Variants in TNKS2 observed in about 807,000 individuals in gnomAD.
The protein encoded by TNKS2 is poly [ADP-ribose] polymerase tankyrase-2.
A neutral mutation model predicts 137.6 loss-of-function variants in TNKS2; 72 were observed. The observed-to-expected ratio is 0.52, with a 90% CI of 0.43 to 0.64. The LOEUF is 0.64. TNKS2 is among the 30% of genes least tolerant of loss of function. The probability of loss-of-function intolerance (pLI) is 0.00; values close to 1 mark genes in which losing one functional copy is unlikely to be tolerated. For synonymous variants in TNKS2, 516 were observed against 512.1 expected (o/e 1.01, Z -0.10); for missense variants, 1,049 against 1,410.2 (o/e 0.74, Z 4.10).
chr10:91,824,290 A>G (rs984549397), intron 7 of TNKS2, among the ~76,000 whole-genome samples: 1 of 152,220 alleles, frequency 6.6e-6, no homozygotes, highest in Admixed American at 6.5e-5. Flanking sequence ...AGAAGCTGGC[A>G]TTTAACAGCA....
chr10:91,840,123 T>G (rs1194882192), intron 13 of TNKS2, among the ~76,000 whole-genome samples: 1 of 152,174 alleles, frequency 6.6e-6, no homozygotes, highest in African/African-American at 2.4e-5. Context: ...GAGGATCCCT[T>G]GAGGCCAGGA....
chr10:91,845,075 G>A lies in TNKS2; in HGVS notation c.2169+47G>A, dbSNP rs760929414. On this transcript the variant is annotated intron_variant, in intron 17 of 26. Transcript: ENST00000371627. The stretch of plus-strand genomic sequence containing the variant: ...TTAAAAATTTGTGGAATTTTAAAGT[G>A]AAAGTCAGTATTGCAGCTCAAATGG... 8 of 1,260,612 alleles carry A rather than the reference G, an allele frequency of 6.3e-6. No homozygotes were observed. In the African/African-American group the frequency reaches 1.0e-4, roughly 16 times the overall value. The allele number at this position is 1,260,612 out of a possible 1,614,324, so 78.1% of individuals were successfully genotyped here.
Position 91,848,496 on chromosome 10 carries a change from T to C in TNKS2, c.2472T>C (p.Ala824=). 1 of 1,614,118 alleles carries C rather than the reference T, an allele frequency of 6.2e-7. No individual in the cohort carries two copies. Among genetic ancestry groups the C allele is most frequent in the Non-Finnish European group, 8.5e-7 (1 of 1,180,018 alleles). The part of the protein sequence containing the change: ...GVRSPGATAD[A]LSSGPSSPSS... ...GAAGCCCAGGAGCCACTGCAGATGC[T>C]CTCTCTTCAGGTCCATCTAGCCCAT... Residue 824 remains alanine, a synonymous_variant, in exon 19 of 27, where the codon GCT becomes GCC. Transcript: ENST00000371627.
chr10:91,814,127 G>T lies in TNKS2; in HGVS notation c.424+920G>T, dbSNP rs185971366. ...TTATTATAGGAGATGACAGCTCCCT[G>T]TATGTTATTGCCCCTAAAGACCTTC... On this transcript the variant is annotated intron_variant, in intron 2 of 26. Coordinates refer to ENST00000371627, the MANE Select transcript of TNKS2 (RefSeq NM_025235.4). 9.7e-4 allele frequency among the ~76,000 whole-genome samples: 148 copies of T among 152,248 alleles called. 1 individual carries two copies. The highest frequency in any genetic ancestry group is 3.4e-3 in the African/African-American group (143 of 41,538).
At chr10:91,844,441 G>T (rs1359652369) in intron 16 of TNKS2, among the ~76,000 whole-genome samples, 1 of 152,072 alleles carries the variant, frequency 6.6e-6, no homozygotes, top group Non-Finnish European at 1.5e-5. Flanking sequence ...TAGCAAAAAA[G>T]CATGCTCTTG....
chr10:91,862,032 G>GACTTT lies in TNKS2; in HGVS notation c.3315_3316insACTTT (p.Ser1106ThrfsTer10). The GACTTT allele has an allele frequency of 6.2e-7, 1 of 1,611,300 alleles. No individual in the cohort carries two copies. Among genetic ancestry groups the GACTTT allele is most frequent in the African/African-American group, 1.3e-5 (1 of 74,926 alleles). On this transcript the variant is annotated frameshift_variant, in exon 26 of 27. Coordinates refer to ENST00000371627, the MANE Select transcript of TNKS2 (RefSeq NM_025235.4). LOFTEE classifies it high-confidence loss of function. ...TCTTTTGCCGGGTAACCTTGGGAAA[G>GACTTT]TCTTTCCTGCAGTTCAGTGCAATGA...
intron 16 of TNKS2, among the ~76,000 whole-genome samples, chr10:91,843,862 T>C (rs561803738): frequency 6.0e-4 from 92 of 152,380 alleles, no homozygotes; most frequent in Non-Finnish European, 1.1e-3. Context: ...CTTGGTGTTA[T>C]ACATGATTTT....
At chr10:91,799,004 C>T (rs1844066751) in intron 1 of TNKS2, 115 bp downstream of exon 1, 1 of 1,245,672 alleles carries the variant, frequency 8.0e-7, no homozygotes, top group Non-Finnish European at 1.0e-6. Context: ...GACTCTGGTC[C>T]TGGTGATCTC....
chr10:91,821,219 G>A (rs1844880309), intron 6 of TNKS2, among the ~76,000 whole-genome samples: 1 of 151,444 alleles, frequency 6.6e-6, no homozygotes, highest in South Asian at 2.1e-4. Context: ...CATATTTTTA[G>A]TAGAGACAAG....
chr10:91,818,343 CCT>C (rs1491379346), intron 3 of TNKS2, among the ~76,000 whole-genome samples: 2 of 151,866 alleles, frequency 1.3e-5, no homozygotes, highest in African/African-American at 4.8e-5. Flanking sequence ...CATAGTTAAT[CCT>C]TTTTTATATT....
rs760355123 is a variant in TNKS2, at chr10:91,859,614, G to A, written c.3247G>A (p.Val1083Ile). Reference protein sequence around the residue: ...YGIGGGTGCPVHKDRSCYICH... With the variant: ...YGIGGGTGCPIHKDRSCYICH... ...AATTGGAGGAGGTACTGGGTGTCCA[G>A]TTCACAAAGACAGATCTTGTTACAT... Residue 1083 changes from valine to isoleucine, a missense_variant, in exon 25 of 27, where the codon GTT becomes ATT. Around this residue, in one of 6 missense-constraint regions of TNKS2, gnomAD observed 133 missense variants for 248.4 expected, o/e 0.54. Coordinates refer to ENST00000371627, the MANE Select transcript of TNKS2 (RefSeq NM_025235.4). 8.7e-6 allele frequency: 14 copies of A among 1,612,624 alleles called. No homozygotes were observed. The African/African-American group carries it at 1.5e-4, about 17-fold the overall frequency.
intron 2 of TNKS2, among the ~76,000 whole-genome samples, chr10:91,814,820 A>G (rs1441351743): frequency 6.6e-6 from 1 of 152,192 alleles, no homozygotes; most frequent in Non-Finnish European, 1.5e-5. Context: ...TGTTGGCACA[A>G]TGACGGACTC....
At chr10:91,816,245 G>A (rs921717567) in intron 2 of TNKS2, among the ~76,000 whole-genome samples, 3 of 152,088 alleles carry the variant, frequency 2.0e-5, no homozygotes, top group Non-Finnish European at 4.4e-5. Flanking sequence ...ACCACACCCA[G>A]CCAAGACTTC....
At chr10:91,810,048 A>G (rs79611925) in intron 1 of TNKS2, among the ~76,000 whole-genome samples, 4,524 of 152,250 alleles carry the variant, frequency 0.03, 91 homozygotes, top group Middle Eastern at 0.088. Context: ...TTAGCAGTAA[A>G]CATGACCTGC....
intron 8 of TNKS2, 42 bp from the exon 9 acceptor site, chr10:91,828,243 A>G (rs995202105): frequency 6.2e-6 from 9 of 1,452,990 alleles, no homozygotes; most frequent in East Asian, 5.2e-5. Flanking sequence ...AGGCTTTTCA[A>G]TTTGAACTCG....
At chr10:91,817,336 G>A (rs1313880012) in intron 3 of TNKS2, 107 bp downstream of exon 3, 1 of 637,936 alleles carries the variant, frequency 1.6e-6, no homozygotes, top group African/African-American at 1.8e-5. Flanking sequence ...TTTTAAAATA[G>A]TGTCAGTTCA....
chr10:91,840,199 G>T (rs944348592), intron 13 of TNKS2, among the ~76,000 whole-genome samples: 1 of 152,172 alleles, frequency 6.6e-6, no homozygotes, highest in Non-Finnish European at 1.5e-5. Context: ...AATTAGCCAG[G>T]TGTCCTGGCA....
At chr10:91,843,316 C>T (rs1325964783) in intron 16 of TNKS2, among the ~76,000 whole-genome samples, 1 of 152,168 alleles carries the variant, frequency 6.6e-6, no homozygotes, top group Admixed American at 6.5e-5. Flanking sequence ...CAGCTGTCTA[C>T]CTTCTCAGTG....
rs777375510 is a variant in TNKS2 at position 91,851,263 on chromosome 10, G to C, written c.2742G>C (p.Glu914Asp). The C allele has an allele frequency of 5.6e-5, 90 of 1,613,114 alleles. No homozygotes were observed. The highest frequency in any genetic ancestry group is 6.1e-5 in the Non-Finnish European group (72 of 1,179,792). ...AGATGGGGCACAAGGAGCTGAAGGA[G>C]ATTGGAATCAATGCTTATGGACATA... Reference protein sequence around the residue: ...LVEMGHKELKEIGINAYGHRH... With the variant: ...LVEMGHKELKDIGINAYGHRH... Residue 914 changes from glutamate to aspartate, a missense_variant, in exon 21 of 27, where the codon GAG becomes GAC. Around this residue, in one of 6 missense-constraint regions of TNKS2, gnomAD observed 208 missense variants for 231.2 expected, o/e 0.90. Transcript: ENST00000371627.
Sources: allele counts gnomAD v4.1 joint callset (sites outside exome capture counted in the v4.1 genomes callset), GRCh38; gene constraint gnomAD v4.1.1; regional missense constraint gnomAD v4.1.1; transcripts MANE v1.5; gene names NCBI Gene and HGNC (gene_info 2026-07-23, HGNC 2026-07-21).